ACTR3B: variants seen among roughly 807,000 people sequenced by gnomAD.
ACTR3B encodes actin related protein 3B, also known as actin-related protein 3B.
ACTR3B carries 8 observed loss-of-function variants against 59.0 expected under a neutral mutation model. That is an observed-to-expected ratio of 0.14 (90% CI 0.08 to 0.24). ACTR3B has a LOEUF of 0.24. Ranked by LOEUF, ACTR3B falls within the 10% of genes least tolerant of loss-of-function variation. ACTR3B has a pLI of 1.00. For synonymous variants in ACTR3B, 148 were observed against 197.9 expected (o/e 0.75, Z 2.12); for missense variants, 245 against 552.3 (o/e 0.44, Z 5.58).
chr7:152,760,030 G>A (rs2117084228), intron 1 of ACTR3B, 104 bp downstream of exon 1: 1 of 1,090,780 alleles, frequency 9.2e-7, no homozygotes, highest in East Asian at 3.3e-5. Flanking sequence ...CCCCGGGCTT[G>A]AGCCCCGCGA....
At chr7:152,784,535 A>G (rs2098165212) in intron 2 of ACTR3B, among the ~76,000 whole-genome samples, 3 of 152,206 alleles carry the variant, frequency 2.0e-5, no homozygotes, top group Non-Finnish European at 4.4e-5. Context: ...TCCTGATGAC[A>G]GGCATGATTG....
At chr7:152,770,841 T>C (rs1406122288) in intron 1 of ACTR3B, among the ~76,000 whole-genome samples, 2 of 135,720 alleles carry the variant, frequency 1.5e-5, no homozygotes, top group Non-Finnish European at 3.2e-5. Context: ...CAAAGCTGAG[T>C]GTGAAGCAGA....
At chr7:152,792,463 A>T (rs921878071) in intron 2 of ACTR3B, among the ~76,000 whole-genome samples, 1 of 151,814 alleles carries the variant, frequency 6.6e-6, no homozygotes, top group African/African-American at 2.4e-5. Flanking sequence ...AATTAAAGAA[A>T]CATAGGCCGG....
At chr7:152,791,360 G>GA (rs2098195662) in intron 2 of ACTR3B, among the ~76,000 whole-genome samples, 1 of 152,056 alleles carries the variant, frequency 6.6e-6, no homozygotes, top group East Asian at 1.9e-4. Context: ...CATTATAGCT[G>GA]AAGTGTTTTA....
intron 7 of ACTR3B, among the ~76,000 whole-genome samples, chr7:152,821,524 C>T (rs1235056723): frequency 6.6e-6 from 1 of 152,174 alleles, no homozygotes; most frequent in Admixed American, 6.5e-5. Context: ...GGGTCCACTC[C>T]AGTGAGTCTG....
At chr7:152,787,750 G>A (rs35264285) in intron 2 of ACTR3B, among the ~76,000 whole-genome samples, 6 of 151,708 alleles carry the variant, frequency 4.0e-5, no homozygotes, top group African/African-American at 7.3e-5. Flanking sequence ...TCTGTGTTCC[G>A]TACGTTCCAT....
chr7:152,835,662 A>G (rs1797390969), intron 9 of ACTR3B, among the ~76,000 whole-genome samples: 1 of 152,188 alleles, frequency 6.6e-6, no homozygotes, highest in Non-Finnish European at 1.5e-5. Context: ...GTGAAGTGGA[A>G]TAAATGCCGT....
At chr7:152,840,747 C>G (rs1040759976) in intron 9 of ACTR3B, among the ~76,000 whole-genome samples, 1 of 70,944 alleles carries the variant, frequency 1.4e-5, no homozygotes, top group African/African-American at 5.2e-5. Context: ...CCCCCTTGTC[C>G]CCTGAAACTT....
chr7:152,836,316 C>T (rs1797451873), intron 9 of ACTR3B, among the ~76,000 whole-genome samples: 1 of 151,742 alleles, frequency 6.6e-6, no homozygotes, highest in South Asian at 2.1e-4. Context: ...TCATGTTAAG[C>T]TGGGTGCAGG....
chr7:152,853,149 C>T (rs1798964570), intron 10 of ACTR3B, among the ~76,000 whole-genome samples: 1 of 151,568 alleles, frequency 6.6e-6, no homozygotes, highest in Admixed American at 6.6e-5. Flanking sequence ...GGGATGATCT[C>T]TACAGTGCCA....
chr7:152,764,213 G>C (rs958165829), intron 1 of ACTR3B, among the ~76,000 whole-genome samples: 6 of 151,838 alleles, frequency 4.0e-5, no homozygotes, highest in Admixed American at 3.9e-4. Context: ...TGTCATGTTG[G>C]CCAGGCTGGT....
At chr7:152,839,260 G>A (rs114625996) in intron 9 of ACTR3B, among the ~76,000 whole-genome samples, 13 of 142,538 alleles carry the variant, frequency 9.1e-5, no homozygotes, top group African/African-American at 3.5e-4. Context: ...CATGGGCTGC[G>A]GGGCGGGGGG....
chr7:152,823,462 A>G lies in ACTR3B; in HGVS notation c.805A>G (p.Ile269Val), dbSNP rs771060022. Residue 269 changes from isoleucine (I) to valine (V), a missense_variant, in exon 8 of 12, where the codon ATA becomes GTA. Physicochemically the swap from Ile to Val is conservative, Grantham distance 29. This residue lies in a region of ACTR3B where 153 missense variants were observed against 266.2 expected (regional missense o/e 0.57). Transcript: ENST00000256001. ...INAINQKKFVIDVGYERFLGP... is the reference protein window; with the variant it reads ...INAINQKKFVVDVGYERFLGP... ...TGCGATCAACCAGAAGAAGTTTGTT[A>G]TAGACGTTGGTTACGAAAGATTCCT... 1.2e-5 allele frequency: 19 copies of G among 1,614,108 alleles called. No individual in the cohort carries two copies. The highest frequency in any genetic ancestry group is 1.1e-4 in the East Asian group (5 of 44,894).
At chr7:152,815,350 G>A (rs992770251) in intron 5 of ACTR3B, among the ~76,000 whole-genome samples, 23 of 152,284 alleles carry the variant, frequency 1.5e-4, no homozygotes, top group African/African-American at 4.6e-4. Flanking sequence ...TTCCTGTGTC[G>A]AAATCTATGT....
intron 4 of ACTR3B, among the ~76,000 whole-genome samples, chr7:152,805,303 GGAA>G (rs1389347265): frequency 1.3e-5 from 2 of 151,788 alleles, no homozygotes; most frequent in African/African-American, 4.8e-5. Flanking sequence ...GGAGGGAGGA[GGAA>G]GAAGGAGAGT....
At chr7:152,765,415 CTTTT>C (rs761753992) in intron 1 of ACTR3B, among the ~76,000 whole-genome samples, 1 of 128,804 alleles carries the variant, frequency 7.8e-6, no homozygotes, top group Non-Finnish European at 1.7e-5. Flanking sequence ...CTGCGCCTGG[CTTTT>C]TTTTTTTTTT....
chr7:152,780,946 A>G (rs147081121), intron 1 of ACTR3B, among the ~76,000 whole-genome samples: 62 of 151,262 alleles, frequency 4.1e-4, no homozygotes, highest in Non-Finnish European at 4.1e-4. Context: ...CCTGGGCTTA[A>G]CGGGTCCTCT....
chr7:152,792,780 A>G (rs923785967), intron 2 of ACTR3B, among the ~76,000 whole-genome samples: 13 of 151,976 alleles, frequency 8.6e-5, no homozygotes, highest in African/African-American at 3.1e-4. Flanking sequence ...AACAAAAACA[A>G]CAACAACAAA....
intron 1 of ACTR3B, among the ~76,000 whole-genome samples, chr7:152,764,974 T>C (rs1236917780): frequency 6.6e-6 from 1 of 152,158 alleles, no homozygotes; most frequent in African/African-American, 2.4e-5. Context: ...AATAGAATGG[T>C]GAAGGTGACA....
Sources: allele counts gnomAD v4.1 joint callset (sites outside exome capture counted in the v4.1 genomes callset), GRCh38; gene constraint gnomAD v4.1.1; regional missense constraint gnomAD v4.1.1; transcripts MANE v1.5; gene names NCBI Gene and HGNC (gene_info 2026-07-23, HGNC 2026-07-21).